CFAP46: variants seen among roughly 807,000 people sequenced by gnomAD.
The protein encoded by CFAP46 is cilia- and flagella-associated protein 46.
A neutral mutation model predicts 325.7 loss-of-function variants in CFAP46; 245 were observed. The ratio of observed to expected loss-of-function variants is 0.75; its 90% CI spans 0.68 to 0.84. CFAP46 has a LOEUF of 0.84. Among genes scored for constraint, CFAP46 ranks in the 40% least tolerant of loss-of-function variants. CFAP46 has a pLI of 0.00. For missense variants in CFAP46, 3,346 were observed against 3,543.0 expected (o/e 0.94, Z 1.41); for synonymous variants, 1,523 against 1,495.9 (o/e 1.02, Z -0.42).
intron 35 of CFAP46, 146 bp downstream of exon 35, chr10:132,865,879 C>T (rs912829506): frequency 2.7e-6 from 2 of 742,580 alleles, no homozygotes; most frequent in East Asian, 3.4e-5. Flanking sequence ...ACTGACTTCC[C>T]GCAGAGAGCT....
intron 25 of CFAP46, among the ~76,000 whole-genome samples, chr10:132,890,090 T>C (rs1020872925): frequency 6.6e-6 from 1 of 152,252 alleles, no homozygotes; most frequent in African/African-American, 2.4e-5. Flanking sequence ...TGTCTGATGT[T>C]TATTTTGGTG....
At position 132,827,019 on chromosome 10, in the gene CFAP46, C is replaced by G. The variant is rs988996426; in HGVS notation, c.7117+6339G>C. On this transcript the variant is annotated intron_variant, in intron 50 of 57. Coordinates refer to ENST00000368586, the MANE Select transcript of CFAP46 (RefSeq NM_001200049.3). This position sits in a 1 kb window ranked among gnomAD's most constrained non-coding sequence, Gnocchi z 5.7. ...GGCATTTTTCTAGAGCCATGGTGCA[C>G]TTCACTATCAAAAACGGTTTCCGAC... 6.6e-6 allele frequency among the ~76,000 whole-genome samples: 1 copy of G among 152,158 alleles called. No individual in the cohort carries two copies. The highest frequency in any genetic ancestry group is 1.5e-5 in the Non-Finnish European group (1 of 68,028).
intron 25 of CFAP46, among the ~76,000 whole-genome samples, chr10:132,887,465 T>TTTCACC (rs1849164933): frequency 8.9e-6 from 1 of 112,624 alleles, no homozygotes; most frequent in African/African-American, 3.5e-5. Context: ...CTCTCCCCTC[T>TTTCACC]TCTCTCTCTC....
chr10:132,832,393 C>CGCCT lies in CFAP46; in HGVS notation c.7117+964_7117+965insAGGC, dbSNP rs990347448. 1.5e-3 allele frequency among the ~76,000 whole-genome samples: 208 copies of CGCCT among 139,380 alleles called. 3 individuals are homozygous for CGCCT. Among genetic ancestry groups the CGCCT allele is most frequent in the African/African-American group, 5.4e-3 (201 of 37,292 alleles). 91.4% of individuals were successfully genotyped at this position (139,380 alleles called of 152,430 possible). ...GAGACCCCTGGGCTCTTCCTGCCCC[C>CGCCT]CCCCCCCAATGCTGTGGCCTGGAAA... On this transcript the variant is annotated intron_variant, in intron 50 of 57. Transcript: ENST00000368586. The surrounding 1 kb of genome is among the most constrained non-coding windows in gnomAD (Gnocchi z 4.1).
At position 132,833,409 on chromosome 10, in the gene CFAP46, G is replaced by T. The variant is rs778853233; in HGVS notation, c.7066C>A (p.Arg2356=). The T allele has an allele frequency of 2.5e-6, 4 of 1,614,074 alleles. No homozygotes were observed. The highest frequency in any genetic ancestry group is 3.4e-6 in the Non-Finnish European group (4 of 1,180,030). Residue 2356 remains arginine (R), a synonymous_variant, in exon 50 of 58, where the codon CGA becomes AGA. Transcript: ENST00000368586. ...FDEGTISSVS[R]EFSLQMLWNR... The stretch of plus-strand genomic sequence containing the variant: ...CACAGCATTTGAAGAGAAAATTCTC[G>T]TGACACAGAGGAAATTGTCCCTTCA...
At chr10:132,837,142 A>C (rs927542331) in intron 44 of CFAP46, 74 of 504,748 alleles carry the variant, frequency 1.5e-4, no homozygotes, top group Non-Finnish European at 1.7e-4. Flanking sequence ...CCAAAATGTC[A>C]TTTCTCTCCG....
chr10:132,912,163 CTT>C (rs1849550262), intron 19 of CFAP46, among the ~76,000 whole-genome samples: 1 of 134,694 alleles, frequency 7.4e-6, no homozygotes, highest in African/African-American at 2.7e-5. Context: ...TCCTCTCTCT[CTT>C]CTCTCTCCTC....
chr10:132,922,379 C>T, intron 12 of CFAP46, 101 bp downstream of exon 12: 1 of 1,444,506 alleles, frequency 6.9e-7, no homozygotes, highest in Non-Finnish European at 9.2e-7. Flanking sequence ...TTGCTTCAGG[C>T]AGCCCTGGGC....
At position 132,898,909 on chromosome 10, in the gene CFAP46, C is replaced by A. The variant is rs1043861178; in HGVS notation, c.3219+50G>T. ...GTCTCTCCGGTCCTTTCTGGAAGAC[C>A]CACTAGAGGCCTCAGTGGGAGTCAG... On this transcript the variant is annotated intron_variant, in intron 24 of 57. Coordinates refer to ENST00000368586, the MANE Select transcript of CFAP46 (RefSeq NM_001200049.3). The A allele has an allele frequency of 8.4e-6, 13 of 1,544,482 alleles. No individual in the cohort carries two copies. The African/African-American group carries it at 1.1e-4, about 13-fold the overall frequency.
At position 132,814,673 on chromosome 10, in the gene CFAP46, C is replaced by A; in HGVS notation, c.7249+13G>T. On this transcript the variant is annotated intron_variant, in intron 52 of 57. Coordinates refer to ENST00000368586, the MANE Select transcript of CFAP46 (RefSeq NM_001200049.3). ...CGGGGTCTGGGGCCCCCCCGGGGCC[C>A]ATCAAAGGATACACTTGAAGTTGTC... 1 of 1,593,448 alleles carries A rather than the reference C, an allele frequency of 6.3e-7. No individual in the cohort carries two copies.
chr10:132,874,156 C>T (rs981040323), intron 31 of CFAP46, among the ~76,000 whole-genome samples: 4 of 152,136 alleles, frequency 2.6e-5, no homozygotes, highest in Non-Finnish European at 5.9e-5. Flanking sequence ...TAACTTTTAC[C>T]ACATCCTGAG....
chr10:132,899,749 G>A, intron 22 of CFAP46, 83 bp from the exon 23 acceptor site: 2 of 1,422,032 alleles, frequency 1.4e-6, no homozygotes, highest in South Asian at 2.8e-5. Flanking sequence ...CTTGAACTGT[G>A]GACTACACAG....
At chr10:132,915,593 C>A (rs533872740) in intron 17 of CFAP46, among the ~76,000 whole-genome samples, 2 of 151,262 alleles carry the variant, frequency 1.3e-5, no homozygotes, top group Non-Finnish European at 2.9e-5. Context: ...CCGGTGAGGG[C>A]GGGGCGCCGT....
chr10:132,871,118 C>G (rs1434588225), intron 32 of CFAP46, among the ~76,000 whole-genome samples: 1 of 151,834 alleles, frequency 6.6e-6, no homozygotes, highest in Non-Finnish European at 1.5e-5. Context: ...AGCCTGGTGA[C>G]AGCACATCTG....
At chr10:132,868,215 C>A (rs1175713477) in intron 33 of CFAP46, among the ~76,000 whole-genome samples, 1 of 152,228 alleles carries the variant, frequency 6.6e-6, no homozygotes. Flanking sequence ...GCTCCCAGCA[C>A]ACCACATCGC....
chr10:132,912,596 T>TCTTCACCTCTCTCTCTCTTCA (rs1849567527), intron 19 of CFAP46, 59 bp downstream of exon 19: 23 of 1,322,030 alleles, frequency 1.7e-5, no homozygotes, highest in Middle Eastern at 1.9e-4. Context: ...TCTCTCTCTC[T>TCTTCACCTCTCTCTCTCTTCA]CCTCTCTCCT....
intron 10 of CFAP46, among the ~76,000 whole-genome samples, chr10:132,925,773 G>C (rs1456161928): frequency 2.0e-5 from 3 of 152,270 alleles, no homozygotes; most frequent in Non-Finnish European, 4.4e-5. Context: ...GGCAGTGCGG[G>C]CTGAGGATGG....
At chr10:132,824,381 T>G (rs1847984057) in intron 50 of CFAP46, among the ~76,000 whole-genome samples, 1 of 134,782 alleles carries the variant, frequency 7.4e-6, no homozygotes, top group South Asian at 2.6e-4. Flanking sequence ...TGAGTGCTGA[T>G]GTGTGCTGTG....
At chr10:132,866,510 T>C (rs529405241) in intron 34 of CFAP46, among the ~76,000 whole-genome samples, 1 of 152,192 alleles carries the variant, frequency 6.6e-6, no homozygotes, top group Non-Finnish European at 1.5e-5. Context: ...TTGCCCCACC[T>C]CGTGGTGCCG....
Sources: gnomAD v4.1 joint callset for allele counts (sites outside exome capture counted in the v4.1 genomes callset) on GRCh38, gnomAD v4.1.1 for gene constraint, Gnocchi (gnomAD v3.1) non-coding constraint, MANE v1.5 for transcripts, NCBI Gene and HGNC (gene_info 2026-07-23, HGNC 2026-07-21) for gene names.